CDH13: variants seen among roughly 807,000 people sequenced by gnomAD.
The protein encoded by CDH13 is cadherin-13.
A neutral mutation model predicts 63.8 loss-of-function variants in CDH13; 24 were observed. The observed-to-expected ratio is 0.38, with a 90% CI of 0.27 to 0.53. CDH13 has a LOEUF of 0.53. Ranked by LOEUF, CDH13 falls within the 20% of genes least tolerant of loss-of-function variation. The pLI, the probability that CDH13 is intolerant of heterozygous loss-of-function variation, is 0.85. For missense variants in CDH13, 1,049 were observed against 903.1 expected, an observed-to-expected ratio of 1.16 and a Z score of -2.07; for synonymous variants, 503 against 355.3, an observed-to-expected ratio of 1.42 and a Z score of -4.67.
At chr16:83,505,816 C>A (rs1354698535) in intron 7 of CDH13, among the ~76,000 whole-genome samples, 1 of 151,994 alleles carries the variant, frequency 6.6e-6, no homozygotes, top group African/African-American at 2.4e-5. Flanking sequence ...ATGCCTAACC[C>A]AGTTTAAAGA....
At position 83,516,149 on chromosome 16, in the gene CDH13, A is replaced by G. The variant is rs910399573; in HGVS notation, c.960+29494A>G. Among the ~76,000 whole-genome samples, 3 of 152,236 alleles carry G rather than the reference A, an allele frequency of 2.0e-5. No homozygotes were observed. The East Asian group carries it at 5.8e-4, about 29-fold the overall frequency. ...ATAAAGAGATGTCCTCAGATAGCTC[A>G]TGGCATTTGTTAGCTCAGGGGGGTT... On this transcript the variant is annotated intron_variant, in intron 7 of 13. Transcript: ENST00000567109.
At chr16:83,560,395 G>A (rs1222440782) in intron 7 of CDH13, among the ~76,000 whole-genome samples, 1 of 152,172 alleles carries the variant, frequency 6.6e-6, no homozygotes, top group Non-Finnish European at 1.5e-5. Flanking sequence ...CCTGGAGGAT[G>A]TTATGCTAAG....
At chr16:83,702,275 T>C (rs566940832) in intron 10 of CDH13, among the ~76,000 whole-genome samples, 1 of 152,238 alleles carries the variant, frequency 6.6e-6, no homozygotes, top group African/African-American at 2.4e-5. Context: ...TAAGTAATAA[T>C]AGCTTCTGTG....
chr16:82,664,592 A>G (rs1036191206), intron 1 of CDH13, among the ~76,000 whole-genome samples: 25 of 152,190 alleles, frequency 1.6e-4, no homozygotes, highest in African/African-American at 6.0e-4. Context: ...GATGACTGGG[A>G]GAAAGGACCC....
chr16:82,690,930 A>G, intron 1 of CDH13, among the ~76,000 whole-genome samples: 1 of 152,220 alleles, frequency 6.6e-6, no homozygotes, highest in East Asian at 1.9e-4. Flanking sequence ...GTGGCAGATA[A>G]AGAATCAGTC....
chr16:83,663,034 C>G (rs528828756), intron 8 of CDH13, among the ~76,000 whole-genome samples: 87 of 152,346 alleles, frequency 5.7e-4, no homozygotes, highest in Non-Finnish European at 1.0e-3. Flanking sequence ...TTGGATTTCT[C>G]TGATAATTTA....
chr16:82,886,561 A>ATT (rs10658401), intron 2 of CDH13, among the ~76,000 whole-genome samples: 46,332 of 149,196 alleles, frequency 0.31, 8,128 homozygotes, highest in East Asian at 0.78. Context: ...TATTTGTGCA[A>ATT]TTTTTTTTTT....
In CDH13 at chr16:83,748,098, T is replaced by C. The variant is rs761497730; in HGVS notation, c.1539-10T>C. ...AATGCAGAGTCTGACATTGTGGGGATTTTTTTCAGGTATTCTGTTTACAAG... is the reference window on the plus strand; with the variant it reads ...AATGCAGAGTCTGACATTGTGGGGACTTTTTTCAGGTATTCTGTTTACAAG... On this transcript the variant is annotated splice_polypyrimidine_tract_variant and intron_variant, in intron 10 of 13. Coordinates refer to ENST00000567109, the MANE Select transcript of CDH13 (RefSeq NM_001257.5). 25 of 1,613,652 alleles carry C rather than the reference T, an allele frequency of 1.5e-5. No homozygotes were observed. Among genetic ancestry groups the C allele is most frequent in the Non-Finnish European group, 2.0e-5 (24 of 1,179,630 alleles).
At chr16:83,784,827 G>A (rs915945033) in intron 13 of CDH13, among the ~76,000 whole-genome samples, 9 of 152,000 alleles carry the variant, frequency 5.9e-5, no homozygotes, top group African/African-American at 2.2e-4. Context: ...CCACTGCAAA[G>A]CCCAACAGAG....
chr16:83,479,683 A>G (rs2073707939), intron 6 of CDH13, among the ~76,000 whole-genome samples: 1 of 151,980 alleles, frequency 6.6e-6, no homozygotes. Flanking sequence ...TTTCTCCATT[A>G]CTTACCATCA....
chr16:82,855,846 G>A (rs1233024928), intron 1 of CDH13, among the ~76,000 whole-genome samples: 1 of 152,120 alleles, frequency 6.6e-6, no homozygotes, highest in African/African-American at 2.4e-5. Context: ...CCTTCTTTGG[G>A]GTTCAGTGCA....
rs372200232 is a variant in CDH13, at chr16:83,032,212, C to T, written c.360C>T (p.Ser120=). The change falls in exon 3 of 14, where the codon TCC becomes TCT. Residue 120 remains serine (S), a synonymous_variant. Coordinates refer to ENST00000567109, the MANE Select transcript of CDH13 (RefSeq NM_001257.5). The stretch of plus-strand genomic sequence containing the variant: ...TCGGGGGGAAAGACATCCAGGGCTC[C>T]TTGCAGGTAACACATCTGTTTGAGA... ...VIVGGKDIQG[S]LQDIFKFART... 2 of 1,612,772 alleles carry T rather than the reference C, an allele frequency of 1.2e-6. No homozygotes were observed. The highest frequency in any genetic ancestry group is 1.7e-6 in the Non-Finnish European group (2 of 1,179,026).
chr16:83,353,166 A>T (rs2090990281), intron 6 of CDH13, among the ~76,000 whole-genome samples: 1 of 152,254 alleles, frequency 6.6e-6, no homozygotes, highest in African/African-American at 2.4e-5. Context: ...CCAAGACGTC[A>T]GCACTCTGCC....
chr16:83,113,717 G>T (rs182429960), intron 3 of CDH13, among the ~76,000 whole-genome samples: 3 of 152,130 alleles, frequency 2.0e-5, no homozygotes, highest in Non-Finnish European at 2.9e-5. Flanking sequence ...AAGGATGGGT[G>T]GGGGGTTAAC....
intron 6 of CDH13, among the ~76,000 whole-genome samples, chr16:83,352,500 CA>C: frequency 6.6e-6 from 1 of 152,166 alleles, no homozygotes; most frequent in South Asian, 2.1e-4. Context: ...GCCACTGTAT[CA>C]AAAAAACACC....
chr16:82,911,839 T>C (rs1360999109), intron 2 of CDH13, among the ~76,000 whole-genome samples: 1 of 152,114 alleles, frequency 6.6e-6, no homozygotes, highest in Non-Finnish European at 1.5e-5. Flanking sequence ...AAAAGCCCCG[T>C]GAGTGGCTGT....
At chr16:82,758,015 G>A (rs2034683839) in intron 1 of CDH13, among the ~76,000 whole-genome samples, 1 of 152,150 alleles carries the variant, frequency 6.6e-6, no homozygotes, top group Non-Finnish European at 1.5e-5. Flanking sequence ...GCAAGTGTGT[G>A]AATGCAAAGG....
At chr16:83,349,991 G>A (rs973449568) in intron 6 of CDH13, among the ~76,000 whole-genome samples, 19 of 152,104 alleles carry the variant, frequency 1.2e-4, no homozygotes, top group African/African-American at 3.9e-4. Context: ...AAACACATAC[G>A]TTAGAGTTAT....
At chr16:82,998,155 A>G (rs1052774084) in intron 2 of CDH13, among the ~76,000 whole-genome samples, 1 of 152,108 alleles carries the variant, frequency 6.6e-6, no homozygotes, top group African/African-American at 2.4e-5. Flanking sequence ...TGATCCTGGA[A>G]CTTTTTATAT....
Sources: allele counts gnomAD v4.1 joint callset (sites outside exome capture counted in the v4.1 genomes callset), GRCh38; gene constraint gnomAD v4.1.1; transcripts MANE v1.5; gene names NCBI Gene and HGNC (gene_info 2026-07-23, HGNC 2026-07-21).